DTNA: variants seen among roughly 807,000 people sequenced by gnomAD.
DTNA encodes the protein dystrobrevin alpha, also known as dystrophin-related protein 3.
A neutral mutation model predicts 100.7 loss-of-function variants in DTNA; 43 were observed. The observed-to-expected ratio is 0.43, with a 90% CI of 0.33 to 0.55. DTNA has a LOEUF of 0.55. DTNA is among the 20% of genes least tolerant of loss of function. The pLI is 0.04. For missense variants in DTNA, 798 were observed against 953.9 expected, an observed-to-expected ratio of 0.84 and a Z score of 2.15; for synonymous variants, 349 against 347.9, an observed-to-expected ratio of 1.00 and a Z score of -0.04.
chr18:34,727,874 T>C (rs1274652989), intron 1 of DTNA, among the ~76,000 whole-genome samples: 1 of 152,164 alleles, frequency 6.6e-6, no homozygotes, highest in Non-Finnish European at 1.5e-5. Flanking sequence ...GCCTAAAATG[T>C]CTTATAAAAG....
At chr18:34,885,440 G>A (rs2096912789) in intron 22 of DTNA, among the ~76,000 whole-genome samples, 1 of 152,198 alleles carries the variant, frequency 6.6e-6, no homozygotes, top group South Asian at 2.1e-4. Flanking sequence ...AATGCAGAGA[G>A]ATTAGCACTG....
intron 1 of DTNA, among the ~76,000 whole-genome samples, chr18:34,710,863 G>C (rs1463283569): frequency 2.6e-5 from 4 of 151,938 alleles, no homozygotes; most frequent in African/African-American, 9.7e-5. Flanking sequence ...AAAGCTACTT[G>C]TCTCTTCTAC....
chr18:34,637,018 A>C (rs1436381451), intron 1 of DTNA, among the ~76,000 whole-genome samples: 1 of 152,188 alleles, frequency 6.6e-6, no homozygotes, highest in East Asian at 1.9e-4. Flanking sequence ...AGAGAGAATA[A>C]AATTGTTGGC....
chr18:34,818,521 G>T, intron 8 of DTNA, 191 bp downstream of exon 8: 1 of 1,471,702 alleles, frequency 6.8e-7, no homozygotes, highest in Non-Finnish European at 9.0e-7. Flanking sequence ...ACCCAGTGTA[G>T]CTTCCTGAGA....
At chr18:34,771,922 G>T (rs536346884) in intron 3 of DTNA, among the ~76,000 whole-genome samples, 1 of 150,460 alleles carries the variant, frequency 6.6e-6, no homozygotes, top group South Asian at 2.1e-4. Context: ...CATTGACGTG[G>T]TTAATGATCC....
intron 1 of DTNA, among the ~76,000 whole-genome samples, chr18:34,568,858 C>T (rs532123652): frequency 2.4e-4 from 37 of 152,232 alleles, no homozygotes; most frequent in African/African-American, 7.9e-4. Flanking sequence ...TCAGGTGATC[C>T]GCCTGCCTTG....
At chr18:34,689,120 AC>A (rs1312575533) in intron 1 of DTNA, among the ~76,000 whole-genome samples, 1 of 151,950 alleles carries the variant, frequency 6.6e-6, no homozygotes, top group East Asian at 1.9e-4. Context: ...GTTTGTTATT[AC>A]CCACCTTCTG....
At chr18:34,558,363 C>G (rs1276018545) in intron 1 of DTNA, among the ~76,000 whole-genome samples, 1 of 152,218 alleles carries the variant, frequency 6.6e-6, no homozygotes, top group Non-Finnish European at 1.5e-5. Flanking sequence ...TAGACTGGAG[C>G]TGTTCCTATT....
intron 11 of DTNA, among the ~76,000 whole-genome samples, chr18:34,833,358 T>G (rs1050187158): frequency 6.6e-6 from 1 of 152,066 alleles, no homozygotes; most frequent in African/African-American, 2.4e-5. Context: ...TTAATAAGTA[T>G]GAAACATTTT....
At chr18:34,744,881 A>G (rs1378759857) in intron 1 of DTNA, among the ~76,000 whole-genome samples, 1 of 152,092 alleles carries the variant, frequency 6.6e-6, no homozygotes, top group Non-Finnish European at 1.5e-5. Flanking sequence ...ATACAATTGC[A>G]TTTTGGTTCT....
At chr18:34,820,376 C>T (rs2095684353) in intron 8 of DTNA, among the ~76,000 whole-genome samples, 1 of 152,154 alleles carries the variant, frequency 6.6e-6, no homozygotes, top group Admixed American at 6.5e-5. Flanking sequence ...CTGCCTCTGT[C>T]CTGGGGATAA....
intron 2 of DTNA, among the ~76,000 whole-genome samples, chr18:34,762,692 A>G (rs942137761): frequency 2.6e-5 from 4 of 152,204 alleles, no homozygotes; most frequent in African/African-American, 9.6e-5. Context: ...TAACACATAC[A>G]TTGATTGTGC....
At chr18:34,763,107 T>C (rs1211583820) in intron 2 of DTNA, among the ~76,000 whole-genome samples, 1 of 152,232 alleles carries the variant, frequency 6.6e-6, no homozygotes, top group African/African-American at 2.4e-5. Flanking sequence ...TAAATCATTA[T>C]GCTTGAAGAA....
At chr18:34,603,098 T>A (rs1355631362) in intron 1 of DTNA, among the ~76,000 whole-genome samples, 1 of 151,844 alleles carries the variant, frequency 6.6e-6, no homozygotes, top group African/African-American at 2.4e-5. Context: ...GGTGTGTGCC[T>A]GTAGTTCCAA....
At chr18:34,559,985 C>G (rs887574585) in intron 1 of DTNA, among the ~76,000 whole-genome samples, 1 of 152,186 alleles carries the variant, frequency 6.6e-6, no homozygotes, top group Non-Finnish European at 1.5e-5. Context: ...ACTAGAGATT[C>G]TGTAATTTCA....
At chr18:34,755,136 A>C (rs1163992955) in intron 1 of DTNA, among the ~76,000 whole-genome samples, 1 of 152,236 alleles carries the variant, frequency 6.6e-6, no homozygotes, top group Non-Finnish European at 1.5e-5. Context: ...TGAAAGTTTA[A>C]TTAGATGCAA....
intron 2 of DTNA, among the ~76,000 whole-genome samples, chr18:34,757,962 G>A (rs2092893803): frequency 2.0e-5 from 3 of 152,284 alleles, no homozygotes; most frequent in South Asian, 4.2e-4. Flanking sequence ...ATTAGTTTGA[G>A]CAACATGTTT....
chr18:34,562,091 T>C (rs932160385), intron 1 of DTNA, among the ~76,000 whole-genome samples: 2 of 152,230 alleles, frequency 1.3e-5, no homozygotes, highest in Admixed American at 1.3e-4. Flanking sequence ...TTCTGTAAAA[T>C]AAGTTTGGAG....
chr18:34,798,403 T>C (rs1189821570), intron 4 of DTNA, among the ~76,000 whole-genome samples: 1 of 152,184 alleles, frequency 6.6e-6, no homozygotes, highest in Non-Finnish European at 1.5e-5. Flanking sequence ...CCTCTATTTT[T>C]ACTTCTGCTC....
Sources: gnomAD v4.1 joint callset for allele counts (sites outside exome capture counted in the v4.1 genomes callset) on GRCh38, gnomAD v4.1.1 for gene constraint, MANE v1.5 for transcripts, NCBI Gene and HGNC (gene_info 2026-07-23, HGNC 2026-07-21) for gene names.